Variants in NEK1 observed in about 807,000 individuals in gnomAD.
NEK1 encodes NIMA related kinase 1.
In NEK1, 137 loss-of-function variants were observed where a neutral mutation model predicts 182.1. That is an observed-to-expected ratio of 0.75 (90% confidence interval 0.65 to 0.87). The LOEUF (loss-of-function observed/expected upper bound fraction) is 0.87. NEK1 is among the 40% of genes least tolerant of loss of function. The pLI is 0.00. For missense variants in NEK1, 1,391 were observed against 1,494.4 expected (o/e 0.93, Z 1.14); for synonymous variants, 513 against 492.2 (o/e 1.04, Z -0.56).
intron 16 of NEK1, 147 bp downstream of exon 16, chr4:169,561,330 AAGT>A (rs1162051572): frequency 1.5e-6 from 1 of 678,420 alleles, no homozygotes; most frequent in Non-Finnish European, 2.6e-6. Flanking sequence ...CAGGAAAGCT[AAGT>A]ATTCATAATA....
intron 28 of NEK1, among the ~76,000 whole-genome samples, chr4:169,436,165 A>T (rs1029819760): frequency 6.6e-6 from 1 of 152,202 alleles, no homozygotes; most frequent in Non-Finnish European, 1.5e-5. Context: ...TGGCTTCCCA[A>T]AGTGCCGGGA....
chr4:169,474,931 T>A (rs1387564009), intron 26 of NEK1, among the ~76,000 whole-genome samples: 3 of 152,328 alleles, frequency 2.0e-5, no homozygotes, highest in African/African-American at 7.2e-5. Flanking sequence ...ATTAGAGTTA[T>A]GCTGCTCCCT....
At chr4:169,486,040 T>C (rs890299863) in intron 23 of NEK1, among the ~76,000 whole-genome samples, 39 of 152,116 alleles carry the variant, frequency 2.6e-4, no homozygotes, top group Non-Finnish European at 1.9e-4. Context: ...AGCAAGACCC[T>C]GTTTCAAAAC....
At chr4:169,604,775 T>G (rs1433921369) in intron 2 of NEK1, among the ~76,000 whole-genome samples, 1 of 152,178 alleles carries the variant, frequency 6.6e-6, no homozygotes, top group Non-Finnish European at 1.5e-5. Flanking sequence ...TAAGTATGAC[T>G]CATGAAATTT....
intron 26 of NEK1, among the ~76,000 whole-genome samples, chr4:169,469,772 T>C (rs1745584444): frequency 1.3e-5 from 2 of 152,166 alleles, no homozygotes; most frequent in South Asian, 4.1e-4. Context: ...TGTAGGTCTC[T>C]AAGAACTTGC....
At chr4:169,610,616 A>G (rs1244519437) in intron 2 of NEK1, among the ~76,000 whole-genome samples, 1 of 152,210 alleles carries the variant, frequency 6.6e-6, no homozygotes, top group Admixed American at 6.5e-5. Flanking sequence ...CCCAGCCACT[A>G]AGAATTTCTT....
At chr4:169,441,149 A>T (rs1042242710) in intron 27 of NEK1, among the ~76,000 whole-genome samples, 1 of 152,170 alleles carries the variant, frequency 6.6e-6, no homozygotes, top group Non-Finnish European at 1.5e-5. Flanking sequence ...CCTGGGAAAA[A>T]GGGAGCTGAA....
intron 12 of NEK1, among the ~76,000 whole-genome samples, chr4:169,575,998 T>C (rs1765632914): frequency 6.6e-6 from 1 of 151,572 alleles, no homozygotes. Flanking sequence ...CAGAATCTCA[T>C]GGTCACCCAG....
chr4:169,600,834 G>GAGAAATAATAAAGCCTT (rs1770368792), intron 4 of NEK1, among the ~76,000 whole-genome samples: 1 of 152,102 alleles, frequency 6.6e-6, no homozygotes, highest in Non-Finnish European at 1.5e-5. Flanking sequence ...CTAAAACTAA[G>GAGAAATAATAAAGCCTT]AGAAATAATA....
At chr4:169,549,017 GA>G (rs907300519) in intron 18 of NEK1, among the ~76,000 whole-genome samples, 14 of 151,984 alleles carry the variant, frequency 9.2e-5, no homozygotes, top group Non-Finnish European at 1.8e-4. Context: ...ACTAGGGTAT[GA>G]AAAAAAACTC....
chr4:169,506,866 G>C, intron 23 of NEK1, 171 bp downstream of exon 23: 1 of 375,554 alleles, frequency 2.7e-6, no homozygotes, highest in South Asian at 9.9e-5. Flanking sequence ...AAATGCGAGA[G>C]AGACAGAGAG....
In NEK1 at chr4:169,553,308, T is replaced by C. The variant is rs575395643; in HGVS notation, c.1562+2412A>G. 2.6e-5 allele frequency among the ~76,000 whole-genome samples: 4 copies of C among 152,244 alleles called. No individual in the cohort carries two copies. The East Asian group carries it at 5.8e-4, about 22-fold the overall frequency. On this transcript the variant is annotated intron_variant, in intron 18 of 35. Transcript: ENST00000507142. ...GATGTGGAACAACTGGGCATCCACA[T>C]GCAAAAAAATGAATCTAGACACAGA...
rs150752990 is a variant in NEK1, at chr4:169,455,609, A to C, written c.2587+7634T>G. ...ATGCATCCAATACTGGAGTACCCAT[A>C]TATGTACAGGAAATATTATTAGAGT... On this transcript the variant is annotated intron_variant, in intron 27 of 35. Transcript: ENST00000507142. 7.9e-5 allele frequency among the ~76,000 whole-genome samples: 12 copies of C among 152,278 alleles called. No individual in the cohort carries two copies. In the East Asian group the frequency reaches 2.3e-3, roughly 29 times the overall value.
chr4:169,447,263 T>C (rs759726361), intron 27 of NEK1, among the ~76,000 whole-genome samples: 2 of 152,056 alleles, frequency 1.3e-5, no homozygotes, highest in Admixed American at 6.6e-5. Flanking sequence ...AGGACATATT[T>C]AAAGTACTGA....
In NEK1 at chr4:169,401,962, C is replaced by T. The variant is rs4478142; in HGVS notation, c.3375-102G>A. 196,537 of 907,358 alleles carry T rather than the reference C, an allele frequency of 0.22. 23,156 individuals are homozygous for T. The highest frequency in any genetic ancestry group is 0.32 in the South Asian group (15,114 of 47,844). 56.2% of individuals were successfully genotyped at this position (907,358 alleles called of 1,614,324 possible). ...ACTGAAATTTTACTTCTACTCAATA[C>T]GTAGGCACTTCTTAAAAAATCCTAA... On this transcript the variant is annotated intron_variant, in intron 32 of 35. Coordinates refer to ENST00000507142, the MANE Select transcript of NEK1 (RefSeq NM_001199397.3).
intron 18 of NEK1, among the ~76,000 whole-genome samples, chr4:169,550,980 A>G (rs1761343873): frequency 6.6e-6 from 1 of 152,230 alleles, no homozygotes; most frequent in Non-Finnish European, 1.5e-5. Flanking sequence ...GCAAGTAGGT[A>G]AATTCGCAAA....
rs775133095 is a variant in NEK1 at position 169,555,748 on chromosome 4, C to T, written c.1534G>A (p.Ala512Thr). ...TTTGCATTGGCTTGTTTAGACACCGCCTTCAATCTTTTCAAAGTTTTTCTA... is the reference window on the plus strand; with the variant it reads ...TTTGCATTGGCTTGTTTAGACACCGTCTTCAATCTTTTCAAAGTTTTTCTA... ...DIRKTLKRLK[A>T]VSKQANANRQ... The change falls in exon 18 of 36, where the codon GCG becomes ACG. Residue 512 changes from alanine (A) to threonine (T), a missense_variant. Coordinates refer to ENST00000507142, the MANE Select transcript of NEK1 (RefSeq NM_001199397.3). 11 of 1,613,782 alleles carry T rather than the reference C, an allele frequency of 6.8e-6. No individual in the cohort carries two copies. The East Asian group carries it at 2.0e-4, about 29-fold the overall frequency.
chr4:169,465,574 A>T (rs1744775873), intron 26 of NEK1, among the ~76,000 whole-genome samples: 1 of 152,154 alleles, frequency 6.6e-6, no homozygotes, highest in South Asian at 2.1e-4. Flanking sequence ...TTTTAGAGAA[A>T]GTTTAGAGAA....
intron 23 of NEK1, among the ~76,000 whole-genome samples, chr4:169,496,070 T>A (rs1751208650): frequency 6.6e-6 from 1 of 152,210 alleles, no homozygotes; most frequent in African/African-American, 2.4e-5. Context: ...GTATCCCCTT[T>A]TATTTCATTG....
Sources: gnomAD v4.1 joint callset for allele counts (sites outside exome capture counted in the v4.1 genomes callset) on GRCh38, gnomAD v4.1.1 for gene constraint, MANE v1.5 for transcripts, NCBI Gene and HGNC (gene_info 2026-07-23, HGNC 2026-07-21) for gene names.